Variants in WDFY1 observed in about 807,000 individuals in gnomAD.
The protein encoded by WDFY1 is WD repeat and FYVE domain containing 1.
A neutral mutation model predicts 56.4 loss-of-function variants in WDFY1; 32 were observed. The observed-to-expected ratio is 0.57, with a 90% CI of 0.43 to 0.76. WDFY1 has a LOEUF of 0.76. Ranked by LOEUF, WDFY1 falls within the 30% of genes least tolerant of loss-of-function variation. The probability of loss-of-function intolerance (pLI) is 0.00; values close to 1 mark genes in which losing one functional copy is unlikely to be tolerated. For synonymous variants in WDFY1, 192 were observed against 197.3 expected, an observed-to-expected ratio of 0.97 and a Z score of 0.23; for missense variants, 480 against 545.7, an observed-to-expected ratio of 0.88 and a Z score of 1.20.
At chr2:223,921,312 C>T (rs767052376) in intron 1 of WDFY1, among the ~76,000 whole-genome samples, 1 of 152,184 alleles carries the variant, frequency 6.6e-6, no homozygotes, top group African/African-American at 2.4e-5. Context: ...AGGGCTAACA[C>T]AACTGGATTA....
intron 1 of WDFY1, among the ~76,000 whole-genome samples, chr2:223,930,026 T>C (rs1015012215): frequency 2.6e-5 from 4 of 152,352 alleles, no homozygotes; most frequent in African/African-American, 7.2e-5. Flanking sequence ...AAGCAGTAAA[T>C]TACTTTTTCC....
chr2:223,935,262 T>G (rs1370736352), intron 1 of WDFY1, among the ~76,000 whole-genome samples: 1 of 152,066 alleles, frequency 6.6e-6, no homozygotes, highest in East Asian at 1.9e-4. Flanking sequence ...AGAAAAAAAA[T>G]CCACACAGGC....
At chr2:223,883,200 A>G (rs1693105954) in intron 9 of WDFY1, among the ~76,000 whole-genome samples, 1 of 152,206 alleles carries the variant, frequency 6.6e-6, no homozygotes, top group South Asian at 2.1e-4. Flanking sequence ...TAAGTTTTAA[A>G]TGCACTATGC....
chr2:223,882,196 C>A, intron 9 of WDFY1, 124 bp from the exon 10 acceptor site: 1 of 1,264,950 alleles, frequency 7.9e-7, no homozygotes, highest in Non-Finnish European at 1.0e-6. Flanking sequence ...CTCACTGCAA[C>A]CTCTGGCGCC....
intron 1 of WDFY1, among the ~76,000 whole-genome samples, chr2:223,920,886 T>C (rs1693875054): frequency 6.6e-6 from 1 of 152,226 alleles, no homozygotes; most frequent in Non-Finnish European, 1.5e-5. Flanking sequence ...CAGCTAAGCA[T>C]CACATCGCTT....
At position 223,890,379 on chromosome 2, in the gene WDFY1, C is replaced by T. The variant is rs144053052; in HGVS notation, c.831+3855G>A. ...CCCAGCTACTCAGGTGACCGAGGCACGAGAATCGCTTGAGCCCAGGAGGCA... is the reference window on the plus strand; with the variant it reads ...CCCAGCTACTCAGGTGACCGAGGCATGAGAATCGCTTGAGCCCAGGAGGCA... On this transcript the variant is annotated intron_variant, in intron 8 of 11. Coordinates refer to ENST00000233055, the MANE Select transcript of WDFY1 (RefSeq NM_020830.5). Among the ~76,000 whole-genome samples, 533 of 152,006 alleles carry T rather than the reference C, an allele frequency of 3.5e-3. 3 individuals are homozygous for T. Among genetic ancestry groups the T allele is most frequent in the African/African-American group, 0.012 (480 of 41,462 alleles).
At chr2:223,894,457 C>CTA in intron 7 of WDFY1, 118 bp from the exon 8 acceptor site, 1 of 917,300 alleles carries the variant, frequency 1.1e-6, no homozygotes, top group Non-Finnish European at 1.7e-6. Flanking sequence ...TTACCACTGA[C>CTA]TATTTAGCAT....
Position 223,878,399 on chromosome 2 carries a change from C to T in WDFY1, c.*272G>A. ...GCTAAAACTCATTTGCTAGCTCATT[C>T]TTTCACTACACATTAGCTGTTCATG... On this transcript the variant is annotated 3_prime_UTR_variant, in exon 12 of 12. Coordinates refer to ENST00000233055, the MANE Select transcript of WDFY1 (RefSeq NM_020830.5). The T allele has an allele frequency of 3.1e-6, 1 of 318,018 alleles. No individual in the cohort carries two copies. 19.7% of individuals were successfully genotyped at this position (318,018 alleles called of 1,614,324 possible).
At chr2:223,913,249 C>G (rs1693735440) in intron 2 of WDFY1, among the ~76,000 whole-genome samples, 1 of 149,998 alleles carries the variant, frequency 6.7e-6, no homozygotes, top group Admixed American at 6.6e-5. Context: ...GAAAAAACGT[C>G]TTTTAAATGA....
intron 1 of WDFY1, among the ~76,000 whole-genome samples, chr2:223,942,486 G>T (rs1689323269): frequency 6.8e-6 from 1 of 147,632 alleles, no homozygotes; most frequent in Non-Finnish European, 1.5e-5. Flanking sequence ...CCAAAGTGCT[G>T]GGATTACAGG....
intron 1 of WDFY1, among the ~76,000 whole-genome samples, chr2:223,922,444 T>C (rs1487293369): frequency 1.3e-5 from 2 of 152,196 alleles, no homozygotes; most frequent in African/African-American, 4.8e-5. Flanking sequence ...ATTAACTCTG[T>C]TCAAGGATTC....
intron 6 of WDFY1, among the ~76,000 whole-genome samples, chr2:223,897,072 G>A (rs957519332): frequency 6.6e-6 from 1 of 151,980 alleles, no homozygotes; most frequent in Non-Finnish European, 1.5e-5. Flanking sequence ...CCCCTACAGG[G>A]TCCTTGATTT....
chr2:223,944,926 C>G (rs1385613416), intron 1 of WDFY1, among the ~76,000 whole-genome samples: 1 of 151,940 alleles, frequency 6.6e-6, no homozygotes, highest in East Asian at 1.9e-4. Context: ...GCTGGAGGGG[C>G]GCGGCGAGAC....
At chr2:223,943,547 T>C (rs905566085) in intron 1 of WDFY1, among the ~76,000 whole-genome samples, 3 of 152,214 alleles carry the variant, frequency 2.0e-5, no homozygotes, top group Non-Finnish European at 4.4e-5. Flanking sequence ...CCTTCAGCTT[T>C]AAGAGAATAG....
At chr2:223,934,349 G>A (rs1221685294) in intron 1 of WDFY1, among the ~76,000 whole-genome samples, 7 of 151,362 alleles carry the variant, frequency 4.6e-5, no homozygotes, top group Non-Finnish European at 5.9e-5. Context: ...CCTCGGCCCC[G>A]CAAAGTGCTG....
intron 6 of WDFY1, among the ~76,000 whole-genome samples, chr2:223,896,185 T>TAAAAAAAAAAAAA: frequency 3.2e-5 from 2 of 61,866 alleles, no homozygotes; most frequent in Non-Finnish European, 3.2e-5. Flanking sequence ...AAAAAAAAAC[T>TAAAAAAAAAAAAA]GCTTGTAATA....
At position 223,897,386 on chromosome 2, in the gene WDFY1, A is replaced by ATTTTTT. The variant is rs1321548675; in HGVS notation, c.598+1571_598+1572insAAAAAA. 9.0e-3 allele frequency among the ~76,000 whole-genome samples: 1,117 copies of ATTTTTT among 124,094 alleles called. 50 individuals are homozygous for ATTTTTT. Among genetic ancestry groups the ATTTTTT allele is most frequent in the Middle Eastern group, 0.034 (8 of 234 alleles). 81.4% of individuals were successfully genotyped at this position (124,094 alleles called of 152,430 possible). A position where few individuals can be genotyped will look rare whatever the true frequency, so the allele number is the denominator to read the frequency against. ...TATATATATATATATATATATATAT[A>ATTTTTT]TATATTTTTTAAGACGGAGTCTCTC... On this transcript the variant is annotated intron_variant, in intron 6 of 11. Transcript: ENST00000233055.
At chr2:223,920,063 C>G (rs1167696898) in intron 1 of WDFY1, among the ~76,000 whole-genome samples, 1 of 152,258 alleles carries the variant, frequency 6.6e-6, no homozygotes, top group African/African-American at 2.4e-5. Context: ...GTCCCCACGT[C>G]CTCATTCACA....
At chr2:223,900,887 A>G (rs547162754) in intron 5 of WDFY1, 32 of 222,024 alleles carry the variant, frequency 1.4e-4, no homozygotes, top group African/African-American at 6.8e-4. Context: ...TGAATTAAAA[A>G]CCTATAGCAC....
Sources: gnomAD v4.1 joint callset for allele counts (sites outside exome capture counted in the v4.1 genomes callset) on GRCh38, gnomAD v4.1.1 for gene constraint, MANE v1.5 for transcripts, NCBI Gene and HGNC (gene_info 2026-07-23, HGNC 2026-07-21) for gene names.